Variants in ANO2 observed in about 807,000 individuals in gnomAD.
The protein encoded by ANO2 is anoctamin 2, also known as anoctamin-2.
In ANO2, 101 loss-of-function variants were observed where a neutral mutation model predicts 124.2. The ratio of observed to expected loss-of-function variants is 0.81; its 90% CI spans 0.69 to 0.96. The LOEUF is 0.96. Ranked by LOEUF, ANO2 falls within the 40% of genes least tolerant of loss-of-function variation. ANO2 has a pLI of 0.00. For missense variants in ANO2, 1,293 were observed against 1,274.5 expected (o/e 1.01, Z -0.22); for synonymous variants, 486 against 482.5 (o/e 1.01, Z -0.09).
chr12:5,762,226 A>C (rs962182630), intron 10 of ANO2, among the ~76,000 whole-genome samples: 1 of 152,042 alleles, frequency 6.6e-6, no homozygotes, highest in African/African-American at 2.4e-5. Context: ...CTGAAACATT[A>C]ATCGCTGAAC....
intron 20 of ANO2, among the ~76,000 whole-genome samples, chr12:5,579,955 G>C (rs370010537): frequency 6.6e-6 from 1 of 152,160 alleles, no homozygotes; most frequent in African/African-American, 2.4e-5. Context: ...CCTGTGTTCA[G>C]GCTTCTGTTG....
chr12:5,697,448 T>TAAAATTAA (rs1428121885), intron 14 of ANO2, among the ~76,000 whole-genome samples: 3 of 151,658 alleles, frequency 2.0e-5, no homozygotes, highest in African/African-American at 7.3e-5. Context: ...AATAAATAAA[T>TAAAATTAA]AAAATTAAAA....
At chr12:5,731,963 G>A (rs780372595) in intron 14 of ANO2, among the ~76,000 whole-genome samples, 5 of 152,134 alleles carry the variant, frequency 3.3e-5, no homozygotes, top group East Asian at 1.9e-4. Context: ...ATGGCATAGC[G>A]GTTAGAGGCA....
chr12:5,573,852 A>G (rs1013769465), intron 23 of ANO2, among the ~76,000 whole-genome samples: 1 of 152,200 alleles, frequency 6.6e-6, no homozygotes, highest in African/African-American at 2.4e-5. Flanking sequence ...GAACTGGAAT[A>G]CCCTTCTATT....
intron 1 of ANO2, among the ~76,000 whole-genome samples, chr12:5,930,278 G>A (rs1007218060): frequency 6.6e-6 from 1 of 152,174 alleles, no homozygotes; most frequent in South Asian, 2.1e-4. Flanking sequence ...AAGTTAAATG[G>A]GTCTGCAATG....
At chr12:5,831,633 T>C (rs1008452823) in intron 5 of ANO2, among the ~76,000 whole-genome samples, 1 of 152,122 alleles carries the variant, frequency 6.6e-6, no homozygotes, top group African/African-American at 2.4e-5. Flanking sequence ...TATATGCAAA[T>C]GAAACAGCAT....
At chr12:5,669,395 C>T (rs944078669) in intron 14 of ANO2, among the ~76,000 whole-genome samples, 1 of 151,986 alleles carries the variant, frequency 6.6e-6, no homozygotes, top group Admixed American at 6.6e-5. Flanking sequence ...GATTGTGTAT[C>T]CTGAGACTTT....
chr12:5,765,439 A>G (rs75439130), intron 10 of ANO2, among the ~76,000 whole-genome samples: 8 of 140,442 alleles, frequency 5.7e-5, no homozygotes, highest in East Asian at 4.2e-4. Context: ...AATTCAATTG[A>G]AAAAAAAAAT....
intron 14 of ANO2, among the ~76,000 whole-genome samples, chr12:5,725,437 T>C (rs999642120): frequency 6.6e-6 from 1 of 152,206 alleles, no homozygotes; most frequent in Non-Finnish European, 1.5e-5. Flanking sequence ...GCCTGGACTT[T>C]CGTGCCAGCG....
At position 5,666,570 on chromosome 12, in the gene ANO2, T is replaced by G. The variant is rs139513563; in HGVS notation, c.1546-18769A>C. Among the ~76,000 whole-genome samples, 690 of 152,280 alleles carry G rather than the reference T, an allele frequency of 4.5e-3. 7 individuals are homozygous for G. Among genetic ancestry groups the G allele is most frequent in the African/African-American group, 0.016 (654 of 41,554 alleles). ...TCATGACCCAGAAGGAAAAAAAAAT[T>G]GTTTAAGCTCCTCGTTACCAAATTT... On this transcript the variant is annotated intron_variant, in intron 14 of 24. Coordinates refer to ENST00000682330, the MANE Select transcript of ANO2 (RefSeq NM_001364791.2).
At chr12:5,853,883 G>A (rs564088761) in intron 4 of ANO2, among the ~76,000 whole-genome samples, 160 bp downstream of exon 4, 8 of 10,584 alleles carry the variant, frequency 7.6e-4, no homozygotes, top group Admixed American at 1.4e-3. Flanking sequence ...CCCCGTCCCC[G>A]TCCCCACCCC....
At chr12:5,628,691 C>T (rs999912583) in intron 16 of ANO2, among the ~76,000 whole-genome samples, 147 of 151,906 alleles carry the variant, frequency 9.7e-4, no homozygotes, top group Non-Finnish European at 1.8e-3. Context: ...TGTGTGTGCG[C>T]GCGCGCACGC....
chr12:5,598,358 CTTTA>C (rs1259705006), intron 20 of ANO2, among the ~76,000 whole-genome samples: 1 of 151,782 alleles, frequency 6.6e-6, no homozygotes. Flanking sequence ...TAGCTAAGAT[CTTTA>C]TTTATTTATT....
chr12:5,826,502 CTCTG>C (rs1275879358), intron 7 of ANO2, among the ~76,000 whole-genome samples: 1 of 150,176 alleles, frequency 6.7e-6, no homozygotes, highest in Admixed American at 6.6e-5. Context: ...TATAAAATTT[CTCTG>C]TTTTTTAAGC....
chr12:5,928,481 T>C (rs1452733266), intron 1 of ANO2, among the ~76,000 whole-genome samples: 16,019 of 107,430 alleles, frequency 0.15, 5,583 homozygotes, highest in East Asian at 0.51. Context: ...ACTAGTCTAC[T>C]TTCCTTCCTC....
intron 4 of ANO2, among the ~76,000 whole-genome samples, chr12:5,846,504 CAGA>C (rs1954688666): frequency 6.6e-6 from 1 of 152,190 alleles, no homozygotes; most frequent in African/African-American, 2.4e-5. Context: ...GCTTCCTGCC[CAGA>C]AGAAGAGTGT....
At chr12:5,576,102 G>A in intron 22 of ANO2, 87 bp from the exon 23 acceptor site, 2 of 1,319,588 alleles carry the variant, frequency 1.5e-6, no homozygotes, top group Non-Finnish European at 2.0e-6. Context: ...AGAAGGAGCT[G>A]CTCTGACTGA....
chr12:5,563,643 G>A, intron 24 of ANO2, 75 bp from the exon 25 acceptor site: 2 of 1,564,272 alleles, frequency 1.3e-6, no homozygotes, highest in African/African-American at 1.4e-5. Context: ...GGAGCAGAAT[G>A]CCTCTGTGTC....
Position 5,921,464 on chromosome 12 carries a change from C to T in ANO2, c.208-98G>A, listed in dbSNP as rs561934416. On this transcript the variant is annotated intron_variant, in intron 2 of 24. Coordinates refer to ENST00000682330, the MANE Select transcript of ANO2 (RefSeq NM_001364791.2). Reference sequence around the variant, plus strand: ...TGCTCTGGGCTCAGGGAAACGGACTCAGAAGCAAGCCTCTCAGGCCCAAAG... The same window carrying T: ...TGCTCTGGGCTCAGGGAAACGGACTTAGAAGCAAGCCTCTCAGGCCCAAAG... 8.9e-6 allele frequency: 11 copies of T among 1,242,662 alleles called. No individual in the cohort carries two copies. In the Admixed American group the frequency reaches 1.8e-4, roughly 20 times the overall value. 77.0% of individuals were successfully genotyped at this position (1,242,662 alleles called of 1,614,324 possible). A position where few individuals can be genotyped will look rare whatever the true frequency, so the allele number is the denominator to read the frequency against.
Sources: gnomAD v4.1 joint callset for allele counts (sites outside exome capture counted in the v4.1 genomes callset) on GRCh38, gnomAD v4.1.1 for gene constraint, MANE v1.5 for transcripts, NCBI Gene and HGNC (gene_info 2026-07-23, HGNC 2026-07-21) for gene names.